MPDZ: variants seen among roughly 807,000 people sequenced by gnomAD.
MPDZ encodes multiple PDZ domain protein.
In MPDZ, 234 loss-of-function variants were observed where a neutral mutation model predicts 239.1. The ratio of observed to expected loss-of-function variants is 0.98; its 90% CI spans 0.88 to 1.09. MPDZ has a LOEUF of 1.09. Ranked by LOEUF, MPDZ falls within the 50% of genes least tolerant of loss-of-function variation. MPDZ has a pLI of 0.00. For missense variants in MPDZ, 3,175 were observed against 2,510.0 expected (o/e 1.26, Z -5.66); for synonymous variants, 1,048 against 881.3 (o/e 1.19, Z -3.35).
At chr9:13,262,169 A>C (rs1970828558) in intron 1 of MPDZ, among the ~76,000 whole-genome samples, 1 of 152,112 alleles carries the variant, frequency 6.6e-6, no homozygotes, top group South Asian at 2.1e-4. Context: ...TCTGACCAAA[A>C]ATCTGCATTC....
intron 27 of MPDZ, chr9:13,140,938 G>A (rs1270812088): frequency 6.6e-6 from 1 of 152,010 alleles, no homozygotes; most frequent in Non-Finnish European, 1.5e-5. Context: ...TGTTAGCACA[G>A]AGCACACACT....
rs367615222 is a variant in MPDZ, at chr9:13,143,546, A to G, written c.3760T>C (p.Leu1254=). ...NRPRKSPLPS[L]LHNLYPKYNF... ...TACTTAGGGTAAAGGTTGTGCAGCAAGGAAGGCAAAGGGGATTTCTAAAAG... is the reference window on the plus strand; with the variant it reads ...TACTTAGGGTAAAGGTTGTGCAGCAGGGAAGGCAAAGGGGATTTCTAAAAG... Residue 1254 remains leucine, a synonymous_variant, in exon 27 of 47, where the codon TTG becomes CTG. Transcript: ENST00000319217. 25 of 1,612,744 alleles carry G rather than the reference A, an allele frequency of 1.6e-5. No individual in the cohort carries two copies. Among genetic ancestry groups the G allele is most frequent in the Middle Eastern group, 3.3e-4 (2 of 6,080 alleles).
chr9:13,241,973 T>C lies in MPDZ; in HGVS notation c.183+5662A>G, dbSNP rs115782885. Among the ~76,000 whole-genome samples, 349 of 152,198 alleles carry C rather than the reference T, an allele frequency of 2.3e-3. 1 individual carries two copies. Among genetic ancestry groups the C allele is most frequent in the African/African-American group, 7.7e-3 (321 of 41,540 alleles). ...CTACCTGACTACCTACATTTCTAGG[T>C]TTTCTAGAATTTGCTCCTGTTTTGA... On this transcript the variant is annotated intron_variant, in intron 3 of 46. Transcript: ENST00000319217.
chr9:13,110,016 G>A lies in MPDZ; in HGVS notation c.5878C>T (p.Pro1960Ser). ...GTGAAAGAAAGACTGGAACTTGCAG[G>A]CTCCTGCTGATGACCTGTGACCACA... ...VSVVTGHQQE[P>S]ASSSLSFTGL... is the part of the protein sequence containing the mutation. Residue 1960 changes from proline to serine, a missense_variant, in exon 45 of 47, where the codon CCT (proline) becomes TCT (serine). Pro to Ser is a moderately conservative substitution (Grantham distance 74). Coordinates refer to ENST00000319217, the MANE Select transcript of MPDZ (RefSeq NM_001378778.1). 6.2e-7 allele frequency: 1 copy of A among 1,613,338 alleles called. No homozygotes were observed. Among genetic ancestry groups the A allele is most frequent in the South Asian group, 1.1e-5 (1 of 90,982 alleles).
In MPDZ at chr9:13,133,879, T is replaced by A; in HGVS notation, c.4409A>T (p.Asp1470Val). 6.3e-7 allele frequency: 1 copy of A among 1,595,354 alleles called. No individual in the cohort carries two copies. The highest frequency in any genetic ancestry group is 1.7e-4 in the Middle Eastern group (1 of 5,994). ...KETEPTVTTSDAAVDLSSFKN... is the reference protein window; with the variant it reads ...KETEPTVTTSVAAVDLSSFKN... ...AAATGAACTGAGGTCCACAGCTGCA[T>A]CAGAAGTAGTAACAGTTGGCTCTGT... is the stretch of plus-strand genomic sequence containing the variant. Residue 1470 changes from aspartate (D) to valine (V), a missense_variant, in exon 32 of 47, where the codon GAT becomes GTT. Transcript: ENST00000319217.
At chr9:13,214,912 A>C (rs916335279) in intron 10 of MPDZ, among the ~76,000 whole-genome samples, 2 of 151,846 alleles carry the variant, frequency 1.3e-5, no homozygotes, top group African/African-American at 4.8e-5. Flanking sequence ...ACCCAAGAAG[A>C]CTCACGGAGT....
At position 13,143,686 on chromosome 9, in the gene MPDZ, C is replaced by T. The variant is rs1948055383; in HGVS notation, c.3742-122G>A. 1.1e-5 allele frequency: 8 copies of T among 758,112 alleles called. No homozygotes were observed. In the South Asian group the frequency reaches 1.2e-4, roughly 11 times the overall value. The allele number at this position is 758,112 out of a possible 1,614,324, so 47.0% of individuals were successfully genotyped here. On this transcript the variant is annotated intron_variant, in intron 26 of 46. Transcript: ENST00000319217. ...GTGTGAAACTAGATCCTATCAGATC[C>T]AGTCATTAATAGCAACATCTTAAAA...
At chr9:13,268,154 A>T (rs1407660947) in intron 1 of MPDZ, among the ~76,000 whole-genome samples, 3 of 149,092 alleles carry the variant, frequency 2.0e-5, no homozygotes, top group African/African-American at 7.4e-5. Context: ...AAGGAAAATT[A>T]TATATATATA....
intron 10 of MPDZ, among the ~76,000 whole-genome samples, chr9:13,213,564 A>T (rs1248248674): frequency 6.6e-6 from 1 of 152,086 alleles, no homozygotes; most frequent in African/African-American, 2.4e-5. Context: ...TTAGTAAAAA[A>T]TTAATACATG....
chr9:13,125,874 G>C (rs1407789750), intron 34 of MPDZ, among the ~76,000 whole-genome samples: 16 of 152,114 alleles, frequency 1.1e-4, no homozygotes, highest in Admixed American at 1.0e-3. Context: ...ATGGGTTAAA[G>C]GATCTGGCCT....
chr9:13,252,878 C>A (rs939065361), intron 1 of MPDZ, among the ~76,000 whole-genome samples: 2 of 152,010 alleles, frequency 1.3e-5, no homozygotes, highest in African/African-American at 2.4e-5. Context: ...AGTCTGATAA[C>A]CTGAATTTAA....
chr9:13,140,537 A>G (rs1454162668), intron 27 of MPDZ, among the ~76,000 whole-genome samples: 1 of 150,542 alleles, frequency 6.6e-6, no homozygotes, highest in Non-Finnish European at 1.5e-5. Flanking sequence ...GAAATATTAG[A>G]TGGGATTCAG....
intron 21 of MPDZ, among the ~76,000 whole-genome samples, chr9:13,168,780 TA>T (rs1951413459): frequency 6.6e-6 from 1 of 152,086 alleles, no homozygotes; most frequent in Non-Finnish European, 1.5e-5. Flanking sequence ...CAATACATTA[TA>T]AACAAAACAG....
intron 22 of MPDZ, 101 bp downstream of exon 22, chr9:13,168,265 T>A: frequency 9.6e-7 from 1 of 1,044,802 alleles, no homozygotes; most frequent in East Asian, 2.5e-5. Flanking sequence ...AAAAATGTGA[T>A]AACGTTTGCA....
At chr9:13,135,995 T>C in intron 31 of MPDZ, 97 bp downstream of exon 31, 1 of 807,146 alleles carries the variant, frequency 1.2e-6, no homozygotes, top group South Asian at 1.7e-5. Flanking sequence ...TATCTACCTC[T>C]AATATCCCTC....
chr9:13,178,962 C>A (rs1952897186), intron 19 of MPDZ, among the ~76,000 whole-genome samples: 1 of 152,092 alleles, frequency 6.6e-6, no homozygotes, highest in African/African-American at 2.4e-5. Flanking sequence ...TAGATTTTAA[C>A]CATCTTGATT....
At chr9:13,212,824 C>T (rs1266260957) in intron 10 of MPDZ, among the ~76,000 whole-genome samples, 2 of 149,608 alleles carry the variant, frequency 1.3e-5, no homozygotes, top group African/African-American at 2.5e-5. Context: ...AGAAGAGAGC[C>T]AACATCCTCG....
chr9:13,182,742 T>C (rs1002466302), intron 19 of MPDZ, among the ~76,000 whole-genome samples: 16 of 152,086 alleles, frequency 1.1e-4, no homozygotes, highest in African/African-American at 2.9e-4. Context: ...ACCCAAAACA[T>C]TGGATACATT....
Position 13,234,614 on chromosome 9 carries a change from G to A in MPDZ, c.184-10031C>T, listed in dbSNP as rs529518115. The stretch of plus-strand genomic sequence containing the variant: ...ATATCATTTAAAAGCTAAAATATAT[G>A]TTATCTTAAATTAGGTTAGTAAGAA... On this transcript the variant is annotated intron_variant, in intron 3 of 46. Transcript: ENST00000319217. Among the ~76,000 whole-genome samples, 4 of 152,206 alleles carry A rather than the reference G, an allele frequency of 2.6e-5. No homozygotes were observed. The South Asian group carries it at 8.3e-4, about 32-fold the overall frequency.
Sources: gnomAD v4.1 joint callset for allele counts (sites outside exome capture counted in the v4.1 genomes callset) on GRCh38, gnomAD v4.1.1 for gene constraint, MANE v1.5 for transcripts, NCBI Gene and HGNC (gene_info 2026-07-23, HGNC 2026-07-21) for gene names.